The following DNMBP variants were observed in gnomAD, a reference collection of about 807,000 sequenced individuals.
DNMBP encodes dynamin binding protein.
A neutral mutation model predicts 150.0 loss-of-function variants in DNMBP; 87 were observed. That is an observed-to-expected ratio of 0.58 (90% CI 0.49 to 0.69). The LOEUF (loss-of-function observed/expected upper bound fraction) is 0.69. Among genes scored for constraint, DNMBP ranks in the 30% least tolerant of loss-of-function variants. DNMBP has a pLI of 0.00. For synonymous variants in DNMBP, 711 were observed against 750.4 expected (o/e 0.95, Z 0.86); for missense variants, 1,774 against 1,949.0 (o/e 0.91, Z 1.69).
chr10:99,880,433 G>A, intron 15 of DNMBP, 72 bp from the exon 16 acceptor site: 1 of 1,436,006 alleles, frequency 7.0e-7, no homozygotes, highest in South Asian at 1.5e-5. Context: ...AGCATTGAGA[G>A]AAAAAAAACT....
At chr10:99,914,051 C>A (rs1447506883) in intron 4 of DNMBP, 1 of 1,483,376 alleles carries the variant, frequency 6.7e-7, no homozygotes, top group Non-Finnish European at 9.0e-7. Flanking sequence ...CACAACCCCC[C>A]AAACTCCTTT....
At chr10:99,933,346 A>C in intron 4 of DNMBP, among the ~76,000 whole-genome samples, 1 of 152,118 alleles carries the variant, frequency 6.6e-6, no homozygotes. Context: ...GTATTGAACT[A>C]AATAATCTCT....
At chr10:99,987,324 G>A (rs1446018989) in intron 1 of DNMBP, among the ~76,000 whole-genome samples, 2 of 152,100 alleles carry the variant, frequency 1.3e-5, no homozygotes, top group African/African-American at 2.4e-5. Flanking sequence ...AACATAGTGA[G>A]ATCTCATCTC....
At chr10:99,994,481 A>G (rs188960611) in intron 1 of DNMBP, among the ~76,000 whole-genome samples, 48 of 152,252 alleles carry the variant, frequency 3.2e-4, no homozygotes, top group African/African-American at 1.1e-3. Flanking sequence ...AGGCGGGGCC[A>G]ACTTCTCAAA....
chr10:99,938,676 G>T (rs1187099484), intron 4 of DNMBP, among the ~76,000 whole-genome samples: 2 of 152,188 alleles, frequency 1.3e-5, no homozygotes, highest in Non-Finnish European at 2.9e-5. Flanking sequence ...GCATAAAGAG[G>T]TAAACTCCCT....
At chr10:99,883,307 A>C (rs1374411306) in intron 15 of DNMBP, among the ~76,000 whole-genome samples, 1 of 152,156 alleles carries the variant, frequency 6.6e-6, no homozygotes, top group Admixed American at 6.5e-5. Context: ...TAAAACTGTC[A>C]TGGGGAGAAG....
chr10:99,933,898 G>A (rs1314027615), intron 4 of DNMBP, among the ~76,000 whole-genome samples: 1 of 152,046 alleles, frequency 6.6e-6, no homozygotes, highest in Non-Finnish European at 1.5e-5. Flanking sequence ...CACCATGCCC[G>A]GCTAAAGTTT....
intron 1 of DNMBP, among the ~76,000 whole-genome samples, chr10:100,003,127 A>G (rs570767436): frequency 1.3e-5 from 2 of 152,274 alleles, no homozygotes; most frequent in South Asian, 4.1e-4. Flanking sequence ...AGGCACGTGG[A>G]TCACAAGGTC....
At chr10:99,966,552 C>A (rs1029755618) in intron 3 of DNMBP, among the ~76,000 whole-genome samples, 16 of 152,230 alleles carry the variant, frequency 1.1e-4, no homozygotes, top group Admixed American at 1.0e-3. Context: ...GCGGAAGCCA[C>A]TGTACTCTTG....
intron 3 of DNMBP, chr10:99,957,505 G>A: frequency 8.4e-6 from 3 of 355,200 alleles, no homozygotes; most frequent in Non-Finnish European, 1.5e-5. Flanking sequence ...TTACTCTGCT[G>A]ACTTTTGTAA....
Position 99,909,062 on chromosome 10 carries a change from A to T in DNMBP, c.2345T>A (p.Leu782Gln). 1 of 1,614,190 alleles carries T rather than the reference A, an allele frequency of 6.2e-7. No homozygotes were observed. Among genetic ancestry groups the T allele is most frequent in the Non-Finnish European group, 8.5e-7 (1 of 1,180,034 alleles). Residue 782 changes from leucine to glutamine, a missense_variant, in exon 5 of 17, where the codon CTG becomes CAG. Leu to Gln is a moderately radical substitution (Grantham distance 113). This residue lies in a region of DNMBP where 1,430 missense variants were observed against 1,492.5 expected (regional missense o/e 0.96). Transcript: ENST00000324109. ...VSAENPEQRMLEKRAKVIEEL... is the reference protein window; with the variant it reads ...VSAENPEQRMQEKRAKVIEEL... Reference sequence around the variant, plus strand: ...TTCTATGACCTTGGCTCTCTTCTCCAGCATCCTCTGCTCTGGATTTTCGGC... The same window carrying T: ...TTCTATGACCTTGGCTCTCTTCTCCTGCATCCTCTGCTCTGGATTTTCGGC...
intron 4 of DNMBP, among the ~76,000 whole-genome samples, chr10:99,953,819 A>AAAAAAAAAAGAAAAG (rs1229016312): frequency 7.5e-6 from 1 of 133,532 alleles, no homozygotes. Flanking sequence ...GTCTCAAAAA[A>AAAAAAAAAAGAAAAG]AAAAAGAAAA....
intron 4 of DNMBP, among the ~76,000 whole-genome samples, chr10:99,922,529 A>T (rs79388259): frequency 1.4e-3 from 6 of 4,296 alleles, no homozygotes; most frequent in South Asian, 6.3e-3. Flanking sequence ...TTTTTTCTTA[A>T]AAAAAAAAAA....
chr10:99,936,510 TTTTTC>T, intron 4 of DNMBP, among the ~76,000 whole-genome samples: 1 of 139,408 alleles, frequency 7.2e-6, no homozygotes, highest in African/African-American at 2.8e-5. Flanking sequence ...GAAGATTTCT[TTTTTC>T]TTTTTTTTTT....
chr10:99,930,029 G>A lies in DNMBP; in HGVS notation c.2261-20883C>T, dbSNP rs753626394. 320 of 702,804 alleles carry A rather than the reference G, an allele frequency of 4.6e-4. 1 individual carries two copies. Among genetic ancestry groups the A allele is most frequent in the Non-Finnish European group, 1.1e-4 (42 of 384,998 alleles). 43.5% of individuals were successfully genotyped at this position (702,804 alleles called of 1,614,324 possible). On this transcript the variant is annotated intron_variant, in intron 4 of 16. Coordinates refer to ENST00000324109, the MANE Select transcript of DNMBP (RefSeq NM_015221.4). ...GAGTCTTTGCTTTGGGATACATGTTGTCATTTTGATGAACATTCCTGTCCC... is the reference window on the plus strand; with the variant it reads ...GAGTCTTTGCTTTGGGATACATGTTATCATTTTGATGAACATTCCTGTCCC...
rs113576651 is a variant in DNMBP, at chr10:99,880,088, G to T, written c.4271C>A (p.Pro1424Gln). Residue 1424 changes from proline (P) to glutamine (Q), a missense_variant, in exon 16 of 17, where the codon CCG becomes CAG. Pro to Gln is a moderately conservative substitution (Grantham distance 76). Transcript: ENST00000324109. ...GGAAGGACTACTCTCTGAATTACTC[G>T]GATTTAGGGATGCACTGAGAGTTCC... is the stretch of plus-strand genomic sequence containing the variant. ...DQGTLSASLNPSNSESSPSRC... is the reference protein window; with the variant it reads ...DQGTLSASLNQSNSESSPSRC... 6.2e-7 allele frequency: 1 copy of T among 1,614,156 alleles called. No homozygotes were observed. Among genetic ancestry groups the T allele is most frequent in the Non-Finnish European group, 8.5e-7 (1 of 1,180,020 alleles).
rs1436193301 is a variant in DNMBP, at chr10:99,876,541, A to AC, written c.*609_*610insG. The AC allele has an allele frequency of 6.6e-6, 1 of 152,270 alleles. No individual in the cohort carries two copies. Among genetic ancestry groups the AC allele is most frequent in the African/African-American group, 2.4e-5 (1 of 41,470 alleles). The allele number at this position is 152,270 out of a possible 1,614,324, so 9.4% of individuals were successfully genotyped here. A position where few individuals can be genotyped will look rare whatever the true frequency, so the allele number is the denominator to read the frequency against. ...ATAACTAATCTGGGAATGGAGTAAA[A>AC]GAAACAAGGTTACAGAATGTAGTGC... On this transcript the variant is annotated 3_prime_UTR_variant, in exon 17 of 17. Transcript: ENST00000324109.
intron 11 of DNMBP, among the ~76,000 whole-genome samples, chr10:99,891,458 G>C (rs1708695758): frequency 6.6e-6 from 1 of 152,018 alleles, no homozygotes; most frequent in Non-Finnish European, 1.5e-5. Flanking sequence ...TGCAGACGGA[G>C]TCTCGTTCAC....
intron 6 of DNMBP, 124 bp downstream of exon 6, chr10:99,907,871 T>C: frequency 1.5e-6 from 1 of 666,534 alleles, no homozygotes; most frequent in Non-Finnish European, 2.6e-6. Flanking sequence ...AAGTAACCTC[T>C]GGACTAAGTA....
Sources: gnomAD v4.1 joint callset for allele counts (sites outside exome capture counted in the v4.1 genomes callset) on GRCh38, gnomAD v4.1.1 for gene constraint, gnomAD v4.1.1 regional missense constraint, MANE v1.5 for transcripts, NCBI Gene and HGNC (gene_info 2026-07-23, HGNC 2026-07-21) for gene names.